Variants in BICRA observed in about 807,000 individuals in gnomAD.
BICRA encodes the protein BRD4-interacting chromatin-remodeling complex-associated protein.
BICRA carries 31 observed loss-of-function variants against 96.9 expected under a neutral mutation model. The observed-to-expected ratio is 0.32, with a 90% CI of 0.24 to 0.43. The LOEUF (loss-of-function observed/expected upper bound fraction) is 0.43. Ranked by LOEUF, BICRA falls within the 20% of genes least tolerant of loss-of-function variation. The pLI is 1.00. For synonymous variants in BICRA, 1,350 were observed against 1,071.8 expected (o/e 1.26, Z -5.07); for missense variants, 2,283 against 2,190.3 (o/e 1.04, Z -0.84).
At chr19:47,640,053 C>T (rs532405999) in intron 1 of BICRA, among the ~76,000 whole-genome samples, 1 of 152,338 alleles carries the variant, frequency 6.6e-6, no homozygotes, top group South Asian at 2.1e-4. Context: ...GCCAGTCCTG[C>T]TTTGCCGGAC....
Position 47,679,546 on chromosome 19 carries a change from C to T in BICRA, c.376C>T (p.Leu126=), listed in dbSNP as rs1216460847. 6.5e-7 allele frequency: 1 copy of T among 1,547,356 alleles called. No homozygotes were observed. Among genetic ancestry groups the T allele is most frequent in the Admixed American group, 2.0e-5 (1 of 50,730 alleles). ...QTLEAEAELD[L]GPFQLPTLQP... ...GCTGGAGGCCGAGGCTGAGCTGGAC[C>T]TGGGTCCCTTCCAGCTGCCCACCCT... The change falls in exon 6 of 15, where the codon CTG becomes TTG. Residue 126 remains leucine (L), a synonymous_variant. Transcript: ENST00000594866.
At chr19:47,639,160 TACCTG>T (rs1329350462) in intron 1 of BICRA, among the ~76,000 whole-genome samples, 1 of 149,118 alleles carries the variant, frequency 6.7e-6, no homozygotes, top group Admixed American at 6.7e-5. Flanking sequence ...TGCAGCACCA[TACCTG>T]ACTAATTTTT....
intron 11 of BICRA, among the ~76,000 whole-genome samples, chr19:47,697,411 A>T (rs954864985): frequency 5.7e-4 from 86 of 151,430 alleles, no homozygotes; most frequent in Middle Eastern, 3.4e-3. Context: ...AAAAAAAAAA[A>T]TTTTTTTTTA....
In BICRA at chr19:47,610,979, C is replaced by T. The variant is rs140740614; in HGVS notation, c.-108+1811C>T. On this transcript the variant is annotated intron_variant, in intron 1 of 14. Transcript: ENST00000594866. ...AATATCAAACTAGGGAGCTTTATTC[C>T]GCTGCTGCTAAGTACATTACACGCT... Among the ~76,000 whole-genome samples, 520 of 152,248 alleles carry T rather than the reference C, an allele frequency of 3.4e-3. 1 individual carries two copies. The highest frequency in any genetic ancestry group is 7.4e-3 in the African/African-American group (306 of 41,544).
chr19:47,650,990 C>A (rs1298751311), intron 1 of BICRA, among the ~76,000 whole-genome samples: 8 of 152,178 alleles, frequency 5.3e-5, no homozygotes, highest in African/African-American at 1.9e-4. Flanking sequence ...TTCCCTTACA[C>A]TCCTTGGCCA....
chr19:47,623,921 G>C (rs2123513731), intron 1 of BICRA, among the ~76,000 whole-genome samples: 1 of 150,098 alleles, frequency 6.7e-6, no homozygotes, highest in African/African-American at 2.5e-5. Context: ...GCGCGATCTT[G>C]GCTCACCGCA....
intron 5 of BICRA, among the ~76,000 whole-genome samples, chr19:47,676,812 C>A (rs1200632984): frequency 6.6e-6 from 1 of 151,540 alleles, no homozygotes; most frequent in Admixed American, 6.6e-5. Context: ...CAGTGGTGAT[C>A]CTGTTACTAT....
Position 47,680,161 on chromosome 19 carries a change from C to G in BICRA, c.991C>G (p.Leu331Val), listed in dbSNP as rs1478907605. Reference sequence around the variant, plus strand: ...ACAGCCGCTGGCGGTGGCCCCAGGCCTCGGCTCGTCGCCACTGGTCCCGGC... The same window carrying G: ...ACAGCCGCTGGCGGTGGCCCCAGGCGTCGGCTCGTCGCCACTGGTCCCGGC... ...SGQPLAVAPG[L>V]GSSPLVPAPN... The change falls in exon 6 of 15, where the codon CTC (leucine) becomes GTC (valine). Residue 331 changes from leucine to valine, a missense_variant. Physicochemically the swap from Leu to Val is conservative, Grantham distance 32. Transcript: ENST00000594866. The G allele has an allele frequency of 9.1e-6, 14 of 1,532,208 alleles. 1 individual carries two copies. The South Asian group carries it at 1.6e-4, about 17-fold the overall frequency. The allele number at this position is 1,532,208 out of a possible 1,614,324, so 94.9% of individuals were successfully genotyped here. A position where few individuals can be genotyped will look rare whatever the true frequency, so the allele number is the denominator to read the frequency against.
At position 47,694,166 on chromosome 19, in the gene BICRA, C is replaced by A; in HGVS notation, c.2335C>A (p.Leu779Ile). 6.6e-7 allele frequency: 1 copy of A among 1,519,608 alleles called. No homozygotes were observed. Among genetic ancestry groups the A allele is most frequent in the Non-Finnish European group, 8.9e-7 (1 of 1,128,880 alleles). 94.1% of individuals were successfully genotyped at this position (1,519,608 alleles called of 1,614,324 possible). ...CCCAGGCCCCTCTTCGTCCCCGTCA[C>A]TACCTCACCAGGCCCCTCTGGGGGA... ...KGPGPSSSPS[L>I]PHQAPLGDSP... Residue 779 changes from leucine to isoleucine, a missense_variant, in exon 8 of 15, where the codon CTA becomes ATA. By Grantham distance (5) the Leu-to-Ile change is conservative. Transcript: ENST00000594866.
intron 1 of BICRA, among the ~76,000 whole-genome samples, chr19:47,612,784 G>C (rs1971928788): frequency 6.6e-6 from 1 of 152,214 alleles, no homozygotes. Context: ...AGACGGCAGA[G>C]ACTAGTGGTG....
At position 47,641,092 on chromosome 19, in the gene BICRA, T is replaced by G. The variant is rs943797975; in HGVS notation, c.-107-29351T>G. Among the ~76,000 whole-genome samples the G allele has an allele frequency of 3.3e-4, 45 of 137,524 alleles. No individual in the cohort carries two copies. The Admixed American group carries it at 3.3e-3, about 10-fold the overall frequency. 90.2% of individuals were successfully genotyped at this position (137,524 alleles called of 152,430 possible). On this transcript the variant is annotated intron_variant, in intron 1 of 14. Coordinates refer to ENST00000594866, the MANE Select transcript of BICRA (RefSeq NM_001394372.1). ...CTAATTTTTTTTTTTTTTTTTTTTT[T>G]TGTATTTTTAGTACAGACCGGGTTT...
chr19:47,694,302 C>G lies in BICRA; in HGVS notation c.2471C>G (p.Pro824Arg). The G allele has an allele frequency of 1.1e-6, 1 of 899,952 alleles. No individual in the cohort carries two copies. The highest frequency in any genetic ancestry group is 1.7e-6 in the Non-Finnish European group (1 of 579,040). The allele number at this position is 899,952 out of a possible 1,614,324, so 55.7% of individuals were successfully genotyped here. A position where few individuals can be genotyped will look rare whatever the true frequency, so the allele number is the denominator to read the frequency against. The change falls in exon 8 of 15, where the codon CCA becomes CGA. Residue 824 changes from proline to arginine, a missense_variant. Coordinates refer to ENST00000594866, the MANE Select transcript of BICRA (RefSeq NM_001394372.1). ...PSEPPLHPCP[P>R]PQAPPTLPGI... ...GAGCCACCCTTGCACCCTTGCCCCC[C>G]ACCCCAGGCCCCCCCAACTCTGCCT...
intron 14 of BICRA, chr19:47,700,282 G>A (rs913120045): frequency 1.3e-5 from 2 of 152,158 alleles, no homozygotes; most frequent in African/African-American, 2.4e-5. Flanking sequence ...GATATGTTCT[G>A]GAATCTTTTT....
chr19:47,619,308 A>G lies in BICRA; in HGVS notation c.-108+10140A>G, dbSNP rs1455042202. 2.7e-5 allele frequency among the ~76,000 whole-genome samples: 4 copies of G among 146,122 alleles called. No homozygotes were observed. The Admixed American group carries it at 2.8e-4, about 10-fold the overall frequency. On this transcript the variant is annotated intron_variant, in intron 1 of 14. Transcript: ENST00000594866. ...TGTTTCGCTCTGTCCCCTAGGCCGG[A>G]GTGCAGTGGCACTATCTCGGCTCGT... is the stretch of plus-strand genomic sequence containing the variant.
In BICRA at chr19:47,675,556, C is replaced by T. The variant is rs116459597; in HGVS notation, c.85-295C>T. 6.5e-3 allele frequency among the ~76,000 whole-genome samples: 990 copies of T among 152,238 alleles called. 6 individuals carry two copies. The highest frequency in any genetic ancestry group is 0.022 in the African/African-American group (934 of 41,558). On this transcript the variant is annotated intron_variant, in intron 4 of 14. Coordinates refer to ENST00000594866, the MANE Select transcript of BICRA (RefSeq NM_001394372.1). The surrounding 1 kb of genome is among the most constrained non-coding windows in gnomAD (Gnocchi z 4.7). Reference sequence around the variant, plus strand: ...GAGAGACTGGGGGGCAGTGGCAGGGCGCAGCTTGGGCAGAGGCGTGAAGGC... The same window carrying T: ...GAGAGACTGGGGGGCAGTGGCAGGGTGCAGCTTGGGCAGAGGCGTGAAGGC...
At position 47,648,689 on chromosome 19, in the gene BICRA, T is replaced by G. The variant is rs367889910; in HGVS notation, c.-107-21754T>G. On this transcript the variant is annotated intron_variant, in intron 1 of 14. Coordinates refer to ENST00000594866, the MANE Select transcript of BICRA (RefSeq NM_001394372.1). ...GAGTTTTTTTTTTTTGTTTGTTTTT[T>G]TTTTTTTGAGACAGAGTCTTGCTCT... Among the ~76,000 whole-genome samples the G allele has an allele frequency of 4.5e-3, 684 of 150,594 alleles. 10 individuals carry two copies. Among genetic ancestry groups the G allele is most frequent in the East Asian group, 0.023 (118 of 5,076 alleles).
intron 10 of BICRA, 141 bp downstream of exon 10, chr19:47,695,615 C>G (rs1245522207): frequency 4.9e-6 from 3 of 611,008 alleles, no homozygotes; most frequent in Non-Finnish European, 8.9e-6. Flanking sequence ...ACACCACGAA[C>G]AGCCGTGCAG....
At chr19:47,641,538 T>C (rs1972385974) in intron 1 of BICRA, among the ~76,000 whole-genome samples, 1 of 152,148 alleles carries the variant, frequency 6.6e-6, no homozygotes, top group Non-Finnish European at 1.5e-5. Context: ...TGGTCCTAGC[T>C]ACTTGGGAGG....
intron 1 of BICRA, among the ~76,000 whole-genome samples, chr19:47,636,290 T>G (rs1019529073): frequency 9.2e-5 from 14 of 152,184 alleles, no homozygotes; most frequent in African/African-American, 3.4e-4. Context: ...CACTGCATCC[T>G]TGACCTCCTG....
Sources: gnomAD v4.1 joint callset for allele counts (sites outside exome capture counted in the v4.1 genomes callset) on GRCh38, gnomAD v4.1.1 for gene constraint, Gnocchi (gnomAD v3.1) non-coding constraint, MANE v1.5 for transcripts, NCBI Gene and HGNC (gene_info 2026-07-23, HGNC 2026-07-21) for gene names.